Variants in EXOC2 observed in about 807,000 individuals in gnomAD.
The protein encoded by EXOC2 is exocyst complex component 2.
A neutral mutation model predicts 131.8 loss-of-function variants in EXOC2; 70 were observed. The observed-to-expected ratio is 0.53, with a 90% confidence interval of 0.44 to 0.65. The LOEUF is 0.65. EXOC2 is among the 30% of genes least tolerant of loss of function. The pLI is 0.00. For synonymous variants in EXOC2, 411 were observed against 398.4 expected, an observed-to-expected ratio of 1.03 and a Z score of -0.38; for missense variants, 923 against 1,108.6, an observed-to-expected ratio of 0.83 and a Z score of 2.38.
At chr6:515,643 C>T (rs528312042) in intron 23 of EXOC2, among the ~76,000 whole-genome samples, 1 of 151,026 alleles carries the variant, frequency 6.6e-6, no homozygotes, top group African/African-American at 2.4e-5. Flanking sequence ...AAAGGAGAGA[C>T]GCACACAGCT....
At chr6:505,848 CAAAG>C in intron 23 of EXOC2, among the ~76,000 whole-genome samples, 1 of 152,334 alleles carries the variant, frequency 6.6e-6, no homozygotes, top group South Asian at 2.1e-4. Context: ...GAATGACAAA[CAAAG>C]GAAGGCAAAG....
chr6:552,126 C>G (rs1757176596), intron 21 of EXOC2, among the ~76,000 whole-genome samples: 1 of 152,220 alleles, frequency 6.6e-6, no homozygotes, highest in Non-Finnish European at 1.5e-5. Flanking sequence ...TAAGCTATAG[C>G]AGAAAACACA....
At chr6:650,316 T>C (rs1010163221) in intron 1 of EXOC2, among the ~76,000 whole-genome samples, 5 of 152,208 alleles carry the variant, frequency 3.3e-5, no homozygotes, top group African/African-American at 9.7e-5. Flanking sequence ...AACAAGATGA[T>C]TGGATGAGAT....
At position 485,697 on chromosome 6, in the gene EXOC2, C is replaced by G. The variant is rs566073051; in HGVS notation, c.*974G>C. On this transcript the variant is annotated 3_prime_UTR_variant, in exon 28 of 28. Transcript: ENST00000230449. The stretch of plus-strand genomic sequence containing the variant: ...GTCTACAGCTCCCATTGCCTGGTGA[C>G]CAAGGAGCATCCTGAAGTTTCAGAG... The G allele has an allele frequency of 1.3e-5, 2 of 152,326 alleles. No individual in the cohort carries two copies. Among genetic ancestry groups the G allele is most frequent in the South Asian group, 4.1e-4 (2 of 4,822 alleles). 9.4% of individuals were successfully genotyped at this position (152,326 alleles called of 1,614,324 possible). A position where few individuals can be genotyped will look rare whatever the true frequency, so the allele number is the denominator to read the frequency against.
chr6:686,163 C>G (rs1325647441), intron 1 of EXOC2, among the ~76,000 whole-genome samples: 1 of 151,896 alleles, frequency 6.6e-6, no homozygotes, highest in Non-Finnish European at 1.5e-5. Flanking sequence ...GGGGTTTCAT[C>G]ATATTGGCCA....
Position 486,588 on chromosome 6 carries a change from A to C in EXOC2, c.*83T>G, listed in dbSNP as rs1390771318. 5 of 1,246,462 alleles carry C rather than the reference A, an allele frequency of 4.0e-6. No homozygotes were observed. In the East Asian group the frequency reaches 1.2e-4, roughly 30 times the overall value. 77.2% of individuals were successfully genotyped at this position (1,246,462 alleles called of 1,614,324 possible). On this transcript the variant is annotated 3_prime_UTR_variant, in exon 28 of 28. Transcript: ENST00000230449. ...AAAAATGGCAAACCCAATGTTTAATACACCAAATACCTTTAGGGTACTTAG... is the reference window on the plus strand; with the variant it reads ...AAAAATGGCAAACCCAATGTTTAATCCACCAAATACCTTTAGGGTACTTAG...
At chr6:496,113 GTTTCC>G (rs1763720749) in intron 25 of EXOC2, among the ~76,000 whole-genome samples, 2 of 152,108 alleles carry the variant, frequency 1.3e-5, no homozygotes, top group Non-Finnish European at 2.9e-5. Flanking sequence ...GAGGAGCGCA[GTTTCC>G]TTTACATCAT....
chr6:678,277 C>G (rs1400179352), intron 1 of EXOC2, among the ~76,000 whole-genome samples: 2 of 152,196 alleles, frequency 1.3e-5, no homozygotes, highest in Non-Finnish European at 2.9e-5. Context: ...ATGATTTATT[C>G]AGGTCCCTTT....
At chr6:549,404 G>T in intron 21 of EXOC2, 113 bp from the exon 22 acceptor site, 2 of 731,944 alleles carry the variant, frequency 2.7e-6, no homozygotes, top group Non-Finnish European at 2.3e-6. Context: ...AATATCCAAT[G>T]CTTTGCTTTT....
At chr6:615,377 G>C (rs1371677156) in intron 6 of EXOC2, among the ~76,000 whole-genome samples, 2 of 152,124 alleles carry the variant, frequency 1.3e-5, no homozygotes, top group African/African-American at 4.8e-5. Flanking sequence ...ATGCCTAAAA[G>C]TGTTGAAAGT....
rs939084890 is a variant in EXOC2, at chr6:503,858, G to A, written c.2381-4158C>T. On this transcript the variant is annotated intron_variant, in intron 23 of 27. Coordinates refer to ENST00000230449, the MANE Select transcript of EXOC2 (RefSeq NM_018303.6). ...GAGAGACCAGCCGAGTAGCACGCCC[G>A]CACCCTCGCCTTCCTCCTCAGCCTG... Among the ~76,000 whole-genome samples the A allele has an allele frequency of 4.6e-5, 7 of 152,146 alleles. 1 individual carries two copies. The highest frequency in any genetic ancestry group is 1.2e-4 in the African/African-American group (5 of 41,450).
rs372102008 is a variant in EXOC2 at position 619,457 on chromosome 6, T to C, written c.509A>G (p.Tyr170Cys). 28 of 1,613,928 alleles carry C rather than the reference T, an allele frequency of 1.7e-5. No homozygotes were observed. Among genetic ancestry groups the C allele is most frequent in the Non-Finnish European group, 2.3e-5 (27 of 1,179,924 alleles). Residue 170 changes from tyrosine to cysteine, a missense_variant, in exon 5 of 28, where the codon TAT (tyrosine) becomes TGT (cysteine). By Grantham distance (194) the Tyr-to-Cys change is radical. Transcript: ENST00000230449. ...FTSENFSAAW[Y>C]LIENHSNTSF... The stretch of plus-strand genomic sequence containing the variant: ...GGTGTTTGAGTGATTCTCTATAAGA[T>C]ACCAGGCTGCTGAGAAATTCTCACT...
At chr6:498,825 G>T (rs12174727) in intron 24 of EXOC2, among the ~76,000 whole-genome samples, 59,488 of 151,994 alleles carry the variant, frequency 0.39, 13,455 homozygotes, top group East Asian at 0.69. Context: ...AGGCACCTGG[G>T]CAACGGTGGA....
At chr6:530,731 T>C (rs909635111) in intron 23 of EXOC2, among the ~76,000 whole-genome samples, 2 of 152,170 alleles carry the variant, frequency 1.3e-5, no homozygotes, top group Non-Finnish European at 2.9e-5. Flanking sequence ...CTGCTGGCCC[T>C]CTGCATCTGT....
chr6:533,688 G>A (rs1157426348), intron 22 of EXOC2, among the ~76,000 whole-genome samples: 1 of 152,150 alleles, frequency 6.6e-6, no homozygotes, highest in Non-Finnish European at 1.5e-5. Context: ...CAGCAGGCAG[G>A]AGGCCAGAAG....
chr6:653,341 T>C (rs776167539), intron 1 of EXOC2, among the ~76,000 whole-genome samples: 2 of 152,196 alleles, frequency 1.3e-5, no homozygotes, highest in African/African-American at 2.4e-5. Context: ...TGGCAAACAA[T>C]TGGCCAAGCT....
At chr6:524,162 T>G (rs1765625962) in intron 23 of EXOC2, 2 of 152,182 alleles carry the variant, frequency 1.3e-5, no homozygotes, top group African/African-American at 4.8e-5. Context: ...CCTTATTCGG[T>G]CATTCATTAG....
At chr6:636,657 G>A (rs531396316) in intron 2 of EXOC2, among the ~76,000 whole-genome samples, 37 of 152,114 alleles carry the variant, frequency 2.4e-4, no homozygotes, top group Non-Finnish European at 4.7e-4. Context: ...TAACAGCTCC[G>A]TCATCAGTGC....
chr6:560,954 C>T (rs754559155), intron 17 of EXOC2, among the ~76,000 whole-genome samples: 2 of 151,892 alleles, frequency 1.3e-5, no homozygotes, highest in East Asian at 1.9e-4. Flanking sequence ...GTGATCCGCC[C>T]GCCTGAGCCT....
Sources: allele counts gnomAD v4.1 joint callset (sites outside exome capture counted in the v4.1 genomes callset), GRCh38; gene constraint gnomAD v4.1.1; transcripts MANE v1.5; gene names NCBI Gene and HGNC (gene_info 2026-07-23, HGNC 2026-07-21).